Variants in TADA2A observed in about 807,000 individuals in gnomAD.
The protein encoded by TADA2A is transcriptional adapter 2-alpha.
A neutral mutation model predicts 67.4 loss-of-function variants in TADA2A; 38 were observed. The observed-to-expected ratio is 0.56, with a 90% confidence interval of 0.44 to 0.74. TADA2A has a LOEUF of 0.74. Ranked by LOEUF, TADA2A falls within the 30% of genes least tolerant of loss-of-function variation. The probability of loss-of-function intolerance (pLI) is 0.00; values close to 1 mark genes in which losing one functional copy is unlikely to be tolerated. For synonymous variants in TADA2A, 192 were observed against 181.6 expected (o/e 1.06, Z -0.46); for missense variants, 454 against 547.0 (o/e 0.83, Z 1.70).
At chr17:37,412,783 CA>C (rs527307008) in intron 2 of TADA2A, among the ~76,000 whole-genome samples, 145,258 of 146,614 alleles carry the variant, frequency 0.99, 71,958 homozygotes, top group South Asian at 1. Flanking sequence ...GAATCTGTCT[CA>C]AAAAAAAAAA....
At chr17:37,444,192 G>A (rs765652522) in intron 7 of TADA2A, among the ~76,000 whole-genome samples, 6 of 150,654 alleles carry the variant, frequency 4.0e-5, no homozygotes, top group Admixed American at 1.3e-4. Flanking sequence ...CTGGGGGTTC[G>A]AGGCTGCAGT....
intron 4 of TADA2A, among the ~76,000 whole-genome samples, chr17:37,430,175 C>CT (rs749919115): frequency 8.2e-4 from 125 of 152,296 alleles, no homozygotes; most frequent in Non-Finnish European, 2.9e-4. Flanking sequence ...AAAGCACTGA[C>CT]TAAGTTTCAC....
intron 8 of TADA2A, among the ~76,000 whole-genome samples, chr17:37,453,184 GAGAAA>G (rs1443797259): frequency 6.6e-6 from 1 of 152,138 alleles, no homozygotes; most frequent in East Asian, 1.9e-4. Flanking sequence ...TAGAGAGAGA[GAGAAA>G]AGAAAAAGAG....
At chr17:37,468,500 T>C (rs2053715011) in intron 12 of TADA2A, among the ~76,000 whole-genome samples, 1 of 152,094 alleles carries the variant, frequency 6.6e-6, no homozygotes, top group Non-Finnish European at 1.5e-5. Context: ...GCCAGCTCTG[T>C]GATGTGATTC....
At chr17:37,427,072 T>A in intron 4 of TADA2A, 63 bp downstream of exon 4, 1 of 1,419,810 alleles carries the variant, frequency 7.0e-7, no homozygotes, top group South Asian at 1.4e-5. Flanking sequence ...GGGAAGTAGT[T>A]TTTCTTTTCC....
chr17:37,412,996 C>T (rs780946753), intron 2 of TADA2A, among the ~76,000 whole-genome samples: 16 of 151,560 alleles, frequency 1.1e-4, no homozygotes, highest in Non-Finnish European at 1.9e-4. Context: ...GGCATGATCT[C>T]GGCTTACTGC....
chr17:37,456,384 G>C (rs1319541303), intron 8 of TADA2A, among the ~76,000 whole-genome samples: 1 of 152,198 alleles, frequency 6.6e-6, no homozygotes, highest in East Asian at 1.9e-4. Context: ...GTTACAGTAA[G>C]GCAAGAATGG....
chr17:37,408,662 G>C (rs1329954112), intron 1 of TADA2A: 1 of 152,198 alleles, frequency 6.6e-6, no homozygotes, highest in South Asian at 2.1e-4. Flanking sequence ...CAAAAGTGTG[G>C]GAGTGAGGAT....
intron 8 of TADA2A, among the ~76,000 whole-genome samples, chr17:37,447,261 A>G (rs968866430): frequency 6.6e-6 from 1 of 152,204 alleles, no homozygotes; most frequent in African/African-American, 2.4e-5. Flanking sequence ...TCCCAGGCTC[A>G]AGCGATTCTC....
chr17:37,467,007 A>G (rs2053678211), intron 11 of TADA2A, among the ~76,000 whole-genome samples: 1 of 152,056 alleles, frequency 6.6e-6, no homozygotes, highest in African/African-American at 2.4e-5. Context: ...AAATACAAAA[A>G]TTAGCCGGGT....
chr17:37,407,521 GT>G (rs1374989276), intron 1 of TADA2A: 1 of 152,256 alleles, frequency 6.6e-6, no homozygotes, highest in Non-Finnish European at 1.5e-5. Flanking sequence ...TTTGGCGATT[GT>G]TAGTTTGGAG....
chr17:37,457,217 A>C (rs890697095), intron 8 of TADA2A, among the ~76,000 whole-genome samples: 16 of 133,916 alleles, frequency 1.2e-4, no homozygotes, highest in Non-Finnish European at 2.0e-4. Context: ...GTCTTGCAGC[A>C]ATGCCCTGGC....
intron 4 of TADA2A, among the ~76,000 whole-genome samples, chr17:37,433,727 C>T (rs1031068682): frequency 2.0e-5 from 3 of 151,466 alleles, no homozygotes; most frequent in Non-Finnish European, 4.4e-5. Flanking sequence ...CCGAGGTGGG[C>T]GGATTACTTG....
chr17:37,423,236 A>C (rs898316223), intron 2 of TADA2A, among the ~76,000 whole-genome samples: 1 of 152,200 alleles, frequency 6.6e-6, no homozygotes, highest in Non-Finnish European at 1.5e-5. Flanking sequence ...GTCTCTAAAA[A>C]TATATAAATA....
At chr17:37,448,729 T>A (rs2053151328) in intron 8 of TADA2A, among the ~76,000 whole-genome samples, 1 of 152,188 alleles carries the variant, frequency 6.6e-6, no homozygotes, top group African/African-American at 2.4e-5. Flanking sequence ...AGAGATATGA[T>A]GAGCTCCTCC....
At chr17:37,458,100 C>CTA (rs1156701044) in intron 8 of TADA2A, among the ~76,000 whole-genome samples, 1 of 152,144 alleles carries the variant, frequency 6.6e-6, no homozygotes, top group Non-Finnish European at 1.5e-5. Flanking sequence ...CTGATAGGCC[C>CTA]TAGTGTGTGT....
intron 6 of TADA2A, 92 bp from the exon 7 acceptor site, chr17:37,442,472 A>G (rs1245905152): frequency 3.1e-6 from 3 of 971,178 alleles, no homozygotes; most frequent in Admixed American, 2.8e-5. Context: ...TATAAAAACC[A>G]TTTTAAATTT....
intron 8 of TADA2A, among the ~76,000 whole-genome samples, chr17:37,450,170 C>T (rs545276218): frequency 1.3e-5 from 2 of 152,208 alleles, no homozygotes; most frequent in Admixed American, 6.5e-5. Flanking sequence ...ATGTGACTCA[C>T]GAGCGACAGG....
At chr17:37,471,199 T>A (rs1333920739) in intron 14 of TADA2A, 62 bp downstream of exon 14, 3 of 1,542,292 alleles carry the variant, frequency 1.9e-6, no homozygotes, top group Non-Finnish European at 2.7e-6. Flanking sequence ...GGGGTTATAG[T>A]GACCCAGCAA....
Sources: allele counts gnomAD v4.1 joint callset (sites outside exome capture counted in the v4.1 genomes callset), GRCh38; gene constraint gnomAD v4.1.1; transcripts MANE v1.5; gene names NCBI Gene and HGNC (gene_info 2026-07-23, HGNC 2026-07-21).